Variants in PAX3 observed in about 807,000 individuals in gnomAD.
PAX3 encodes the protein paired box 3.
In PAX3, 14 loss-of-function variants were observed where a neutral mutation model predicts 51.6. The ratio of observed to expected loss-of-function variants is 0.27; its 90% CI spans 0.18 to 0.42. The LOEUF (loss-of-function observed/expected upper bound fraction) is 0.42, where lower values mean the gene tolerates loss of function less well. Ranked by LOEUF, PAX3 falls within the 10% of genes least tolerant of loss-of-function variation. PAX3 has a pLI of 1.00. For missense variants in PAX3, 540 were observed against 642.8 expected (o/e 0.84, Z 1.73); for synonymous variants, 280 against 253.4 (o/e 1.11, Z -1.00).
chr2:222,262,526 T>C (rs2106146420), intron 4 of PAX3: 1 of 152,246 alleles, frequency 6.6e-6, no homozygotes. Flanking sequence ...GATTCATTTT[T>C]TTCATCACTC....
At chr2:222,261,511 G>A (rs182124673) in intron 4 of PAX3, among the ~76,000 whole-genome samples, 91 of 151,302 alleles carry the variant, frequency 6.0e-4, no homozygotes, top group Non-Finnish European at 1.1e-3. Flanking sequence ...GAAAAGATAC[G>A]AAGAAGATTG....
At chr2:222,291,490 C>T (rs1020070794) in intron 4 of PAX3, among the ~76,000 whole-genome samples, 6 of 152,182 alleles carry the variant, frequency 3.9e-5, no homozygotes, top group African/African-American at 1.2e-4. Flanking sequence ...GTTAAGAGGA[C>T]CATCTGGGAG....
Position 222,239,617 on chromosome 2 carries a change from G to A in PAX3, c.587-7334C>T, listed in dbSNP as rs568029466. 1.6e-4 allele frequency among the ~76,000 whole-genome samples: 24 copies of A among 152,164 alleles called. 1 individual carries two copies. Among genetic ancestry groups the A allele is most frequent in the East Asian group, 9.6e-4 (5 of 5,182 alleles). On this transcript the variant is annotated intron_variant, in intron 4 of 8. Coordinates refer to ENST00000392070, the MANE Select transcript of PAX3 (RefSeq NM_181458.4). ...ATCAAGCCATACATTGAACTTTCCG[G>A]AATTCTTAACCCAGAACTAGGGTCC...
At chr2:222,217,200 A>AT (rs932232132) in intron 7 of PAX3, among the ~76,000 whole-genome samples, 8 of 152,008 alleles carry the variant, frequency 5.3e-5, no homozygotes, top group African/African-American at 1.7e-4. Flanking sequence ...TTTTAAGCAA[A>AT]TTTTTTTTAT....
chr2:222,266,887 T>C (rs1408624981), intron 4 of PAX3, among the ~76,000 whole-genome samples: 1 of 152,200 alleles, frequency 6.6e-6, no homozygotes, highest in Non-Finnish European at 1.5e-5. Flanking sequence ...TTTGTTGCAT[T>C]TGCAACCTAT....
intron 4 of PAX3, 115 bp from the exon 5 acceptor site, chr2:222,232,398 A>T (rs971421497): frequency 4.8e-6 from 4 of 827,626 alleles, no homozygotes; most frequent in South Asian, 3.3e-5. Context: ...CCCTATACCT[A>T]AAGTAAAATA....
intron 7 of PAX3, among the ~76,000 whole-genome samples, chr2:222,215,038 T>C (rs1691898812): frequency 6.6e-6 from 1 of 152,164 alleles, no homozygotes; most frequent in Non-Finnish European, 1.5e-5. Context: ...TTTGTAAGTA[T>C]TGCTGAAATG....
intron 5 of PAX3, among the ~76,000 whole-genome samples, chr2:222,223,664 A>G (rs994128393): frequency 6.6e-6 from 1 of 152,230 alleles, no homozygotes; most frequent in African/African-American, 2.4e-5. Context: ...GGCTCAGATC[A>G]GGTAGTCCTC....
At chr2:222,234,304 A>C (rs977781545) in intron 4 of PAX3, among the ~76,000 whole-genome samples, 4 of 152,178 alleles carry the variant, frequency 2.6e-5, no homozygotes, top group Non-Finnish European at 5.9e-5. Context: ...TTCATTTAAC[A>C]TAAATCTTAC....
intron 6 of PAX3, 84 bp downstream of exon 6, chr2:222,221,138 G>A: frequency 7.7e-7 from 1 of 1,293,150 alleles, no homozygotes. Flanking sequence ...TGTCAGTACT[G>A]CAGAAGGATT....
intron 5 of PAX3, among the ~76,000 whole-genome samples, chr2:222,229,573 C>G (rs933855813): frequency 3.3e-5 from 5 of 152,134 alleles, no homozygotes; most frequent in Admixed American, 3.3e-4. Flanking sequence ...CCCACTGCCA[C>G]TACCTATCTC....
At chr2:222,280,731 C>A (rs1559306569) in intron 4 of PAX3, among the ~76,000 whole-genome samples, 1 of 152,318 alleles carries the variant, frequency 6.6e-6, no homozygotes, top group South Asian at 2.1e-4. Flanking sequence ...TAAAAGTTTA[C>A]TGAGAAGCCC....
intron 4 of PAX3, among the ~76,000 whole-genome samples, chr2:222,258,875 A>G (rs1693743176): frequency 6.6e-6 from 1 of 152,186 alleles, no homozygotes; most frequent in Non-Finnish European, 1.5e-5. Flanking sequence ...CTTATTGGTG[A>G]TGCTGAGATT....
At chr2:222,217,847 C>T (rs1268217430) in intron 7 of PAX3, among the ~76,000 whole-genome samples, 1 of 152,124 alleles carries the variant, frequency 6.6e-6, no homozygotes, top group East Asian at 1.9e-4. Context: ...TAAACAGTGT[C>T]ATTACAGAGA....
chr2:222,266,291 C>T (rs986560487), intron 4 of PAX3, among the ~76,000 whole-genome samples: 2 of 152,170 alleles, frequency 1.3e-5, no homozygotes, highest in African/African-American at 4.8e-5. Context: ...CTAGGAAAGC[C>T]CCCTCTGGGC....
At chr2:222,279,837 C>G (rs1343899389) in intron 4 of PAX3, among the ~76,000 whole-genome samples, 2 of 152,116 alleles carry the variant, frequency 1.3e-5, no homozygotes, top group South Asian at 2.1e-4. Context: ...AAAATTGGCT[C>G]TCTGTGTCAT....
In PAX3 at chr2:222,279,304, C is replaced by CGTGTGTGTGTGTGT. The variant is rs57076966; in HGVS notation, c.586+14849_586+14862dup. Among the ~76,000 whole-genome samples the CGTGTGTGTGTGTGT allele has an allele frequency of 3.4e-3, 500 of 148,124 alleles. 2 individuals carry two copies. The highest frequency in any genetic ancestry group is 0.011 in the African/African-American group (427 of 40,292). ...AGGTAGAGCTGAGTGCAAGCCTGTG[C>CGTGTGTGTGTGTGT]GTGTGTGTGTGTGTGTGTGTGTGTG... On this transcript the variant is annotated intron_variant, in intron 4 of 8. Transcript: ENST00000392070.
At position 222,287,199 on chromosome 2, in the gene PAX3, C is replaced by G. The variant is rs866385436; in HGVS notation, c.586+6968G>C. On this transcript the variant is annotated intron_variant, in intron 4 of 8. Transcript: ENST00000392070. ...GTGTGAATGGGACAAAACTATCTTT[C>G]CCAACAGGGCAGAGGATGGCCATTA... 4.9e-4 allele frequency among the ~76,000 whole-genome samples: 74 copies of G among 152,288 alleles called. 1 individual carries two copies. The highest frequency in any genetic ancestry group is 1.7e-3 in the African/African-American group (70 of 41,548).
chr2:222,214,792 A>G (rs549889733), intron 7 of PAX3: 2 of 152,236 alleles, frequency 1.3e-5, no homozygotes, highest in South Asian at 4.1e-4. Context: ...TGGTTATTCA[A>G]TTACATCTTA....
Sources: allele counts gnomAD v4.1 joint callset (sites outside exome capture counted in the v4.1 genomes callset), GRCh38; gene constraint gnomAD v4.1.1; transcripts MANE v1.5; gene names NCBI Gene and HGNC (gene_info 2026-07-23, HGNC 2026-07-21).